Variants in MAP2K6 observed in about 807,000 individuals in gnomAD.
The protein encoded by MAP2K6 is mitogen-activated protein kinase kinase 6.
MAP2K6 carries 16 observed loss-of-function variants against 53.7 expected under a neutral mutation model. The observed-to-expected ratio is 0.30, with a 90% CI of 0.20 to 0.45. The LOEUF (loss-of-function observed/expected upper bound fraction) is 0.45. MAP2K6 is among the 20% of genes least tolerant of loss of function. The pLI is 1.00. For synonymous variants in MAP2K6, 132 were observed against 143.1 expected (o/e 0.92, Z 0.55); for missense variants, 204 against 411.9 (o/e 0.50, Z 4.37).
At chr17:69,498,963 A>T (rs2715821) in intron 1 of MAP2K6, among the ~76,000 whole-genome samples, 1 of 151,900 alleles carries the variant, frequency 6.6e-6, no homozygotes, top group Non-Finnish European at 1.5e-5. Flanking sequence ...TTTGGAGCCA[A>T]TCTGGTGGAG....
chr17:69,520,180 C>A, intron 5 of MAP2K6, 90 bp from the exon 6 acceptor site: 1 of 682,828 alleles, frequency 1.5e-6, no homozygotes, highest in South Asian at 1.8e-5. Flanking sequence ...ATAGTTAATT[C>A]TTCAGGATAG....
intron 1 of MAP2K6, among the ~76,000 whole-genome samples, chr17:69,473,399 C>T (rs538898341): frequency 6.6e-6 from 1 of 152,212 alleles, no homozygotes; most frequent in Non-Finnish European, 1.5e-5. Flanking sequence ...TATATCTATG[C>T]AAGCATATAT....
chr17:69,445,398 G>A (rs1045870804), intron 1 of MAP2K6, among the ~76,000 whole-genome samples: 24 of 152,172 alleles, frequency 1.6e-4, no homozygotes, highest in African/African-American at 4.8e-4. Context: ...AGCTAATTCT[G>A]GTTCATTTAA....
intron 1 of MAP2K6, among the ~76,000 whole-genome samples, chr17:69,451,547 A>G (rs1484373304): frequency 1.3e-5 from 2 of 152,200 alleles, no homozygotes; most frequent in Non-Finnish European, 2.9e-5. Flanking sequence ...GAGACCCAAG[A>G]GGGGAGATTT....
At chr17:69,444,135 C>T (rs889827892) in intron 1 of MAP2K6, among the ~76,000 whole-genome samples, 3 of 152,174 alleles carry the variant, frequency 2.0e-5, no homozygotes. Context: ...TTTAGATGAT[C>T]TAATCTCCTA....
rs776439561 is a variant in MAP2K6, at chr17:69,519,442, C to T, written c.366+10C>T. 1.2e-6 allele frequency: 2 copies of T among 1,613,852 alleles called. No homozygotes were observed. The highest frequency in any genetic ancestry group is 2.2e-5 in the South Asian group (2 of 91,046). ...CGCACTGTTTCGGGAGGTAGGTGAC[C>T]CTTCAATTCAAAGTCCAAGAGGAAC... On this transcript the variant is annotated intron_variant, in intron 5 of 11. Transcript: ENST00000590474.
At chr17:69,449,839 TC>T (rs1907149219) in intron 1 of MAP2K6, among the ~76,000 whole-genome samples, 1 of 151,666 alleles carries the variant, frequency 6.6e-6, no homozygotes. Context: ...GGTCTCGATC[TC>T]CTGACCTCGT....
At chr17:69,530,237 C>G (rs920902313) in intron 10 of MAP2K6, among the ~76,000 whole-genome samples, 8 of 152,096 alleles carry the variant, frequency 5.3e-5, no homozygotes, top group African/African-American at 1.7e-4. Flanking sequence ...ATCGCTTGAG[C>G]TTGGAAGGCT....
chr17:69,491,668 G>A (rs73363661), intron 1 of MAP2K6, among the ~76,000 whole-genome samples: 6,562 of 152,054 alleles, frequency 0.043, 418 homozygotes, highest in East Asian at 0.15. Flanking sequence ...TAGTTGAACT[G>A]AGTTACACTC....
chr17:69,431,829 A>G (rs1221786499), intron 1 of MAP2K6, among the ~76,000 whole-genome samples: 3 of 152,222 alleles, frequency 2.0e-5, no homozygotes, highest in Non-Finnish European at 2.9e-5. Flanking sequence ...TTGCATCTAT[A>G]TGATGTGTAG....
At chr17:69,508,520 A>G (rs1457342088) in intron 2 of MAP2K6, among the ~76,000 whole-genome samples, 1 of 151,784 alleles carries the variant, frequency 6.6e-6, no homozygotes, top group Admixed American at 6.6e-5. Context: ...TACTTTTGAG[A>G]GTTATTTGTA....
chr17:69,436,020 A>T (rs1335601512), intron 1 of MAP2K6, among the ~76,000 whole-genome samples: 4 of 21,284 alleles, frequency 1.9e-4, no homozygotes, highest in Admixed American at 5.7e-4. Flanking sequence ...GATTTAAAAT[A>T]AAAAAAAAAA....
In MAP2K6 at chr17:69,547,511, T is replaced by G. The variant is rs1345375871; in HGVS notation, c.*5758T>G. On this transcript the variant is annotated 3_prime_UTR_variant, in exon 12 of 12. Coordinates refer to ENST00000590474, the MANE Select transcript of MAP2K6 (RefSeq NM_002758.4). Reference sequence around the variant, plus strand: ...GGCCATGGTTTGCCAACACCAGTCTTAGAGCATTAAATATAAAACTCTGAT... The same window carrying G: ...GGCCATGGTTTGCCAACACCAGTCTGAGAGCATTAAATATAAAACTCTGAT... 6.6e-6 allele frequency: 1 copy of G among 152,272 alleles called. No individual in the cohort carries two copies. The highest frequency in any genetic ancestry group is 1.5e-5 in the Non-Finnish European group (1 of 68,042). The allele number at this position is 152,272 out of a possible 1,614,324, so 9.4% of individuals were successfully genotyped here. A position where few individuals can be genotyped will look rare whatever the true frequency, so the allele number is the denominator to read the frequency against.
intron 1 of MAP2K6, among the ~76,000 whole-genome samples, chr17:69,491,123 C>CCTTCCTTCCTTCCTTCCTTT (rs1448034184): frequency 2.0e-4 from 29 of 146,480 alleles, no homozygotes; most frequent in East Asian, 1.8e-3. Context: ...TTCCTTCCTT[C>CCTTCCTTCCTTCCTTCCTTT]CTTCCTTCCT....
intron 2 of MAP2K6, 36 bp from the exon 3 acceptor site, chr17:69,516,819 G>C: frequency 6.7e-7 from 1 of 1,482,766 alleles, no homozygotes; most frequent in South Asian, 1.2e-5. Context: ...TGACTCAATA[G>C]CTTATGTTTC....
At chr17:69,471,251 A>G (rs968534291) in intron 1 of MAP2K6, among the ~76,000 whole-genome samples, 2 of 152,298 alleles carry the variant, frequency 1.3e-5, no homozygotes, top group African/African-American at 2.4e-5. Flanking sequence ...TCAACTTTAC[A>G]AAGTCATGAA....
intron 1 of MAP2K6, among the ~76,000 whole-genome samples, chr17:69,483,315 C>A (rs1252370795): frequency 1.3e-5 from 2 of 151,872 alleles, no homozygotes; most frequent in Admixed American, 1.3e-4. Context: ...TAGCTATGAT[C>A]AATTTGTAAA....
At chr17:69,459,627 G>T (rs927962000) in intron 1 of MAP2K6, among the ~76,000 whole-genome samples, 3 of 141,396 alleles carry the variant, frequency 2.1e-5, no homozygotes, top group South Asian at 4.4e-4. Flanking sequence ...CAGGAGAATC[G>T]CTTGAACCCG....
Position 69,547,101 on chromosome 17 carries a change from C to T in MAP2K6, c.*5348C>T, listed in dbSNP as rs1219326623. The T allele has an allele frequency of 6.6e-6, 1 of 151,478 alleles. No homozygotes were observed. Among genetic ancestry groups the T allele is most frequent in the Non-Finnish European group, 1.5e-5 (1 of 67,892 alleles). 9.4% of individuals were successfully genotyped at this position (151,478 alleles called of 1,614,324 possible). A position where few individuals can be genotyped will look rare whatever the true frequency, so the allele number is the denominator to read the frequency against. ...TTTTTTTTTGGCTTTAATTTGGGTA[C>T]TATGGATTCTTTTGGGAATTTGTTG... On this transcript the variant is annotated 3_prime_UTR_variant, in exon 12 of 12. Coordinates refer to ENST00000590474, the MANE Select transcript of MAP2K6 (RefSeq NM_002758.4).
Sources: gnomAD v4.1 joint callset for allele counts (sites outside exome capture counted in the v4.1 genomes callset) on GRCh38, gnomAD v4.1.1 for gene constraint, MANE v1.5 for transcripts, NCBI Gene and HGNC (gene_info 2026-07-23, HGNC 2026-07-21) for gene names.